Variants in ST6GALNAC3 observed in about 807,000 individuals in gnomAD.
ST6GALNAC3 encodes ST6 N-acetylgalactosaminide alpha-2,6-sialyltransferase 3, also known as alpha-N-acetylgalactosaminide alpha-2,6-sialyltransferase 3.
A neutral mutation model predicts 32.7 loss-of-function variants in ST6GALNAC3; 25 were observed. The observed-to-expected ratio is 0.76, with a 90% CI of 0.56 to 1.07. ST6GALNAC3 has a LOEUF of 1.07. Ranked by LOEUF, ST6GALNAC3 falls within the 50% of genes least tolerant of loss-of-function variation. ST6GALNAC3 has a pLI of 0.00. For missense variants in ST6GALNAC3, 355 were observed against 382.4 expected (o/e 0.93, Z 0.60); for synonymous variants, 129 against 133.1 (o/e 0.97, Z 0.21).
intron 2 of ST6GALNAC3, among the ~76,000 whole-genome samples, chr1:76,321,922 T>C (rs1370592582): frequency 6.6e-6 from 1 of 152,204 alleles, no homozygotes; most frequent in East Asian, 1.9e-4. Context: ...AGATTGATTT[T>C]CACTTTACAA....
chr1:76,127,329 G>C (rs1649317749), intron 1 of ST6GALNAC3, among the ~76,000 whole-genome samples: 2 of 152,178 alleles, frequency 1.3e-5, no homozygotes, highest in African/African-American at 4.8e-5. Flanking sequence ...GAGTAATACT[G>C]TGTCTACTTT....
At chr1:76,478,143 G>A (rs569194477) in intron 3 of ST6GALNAC3, among the ~76,000 whole-genome samples, 3 of 152,098 alleles carry the variant, frequency 2.0e-5, no homozygotes, top group Non-Finnish European at 4.4e-5. Flanking sequence ...GCACAGTCCT[G>A]TGTGTTGCAT....
chr1:76,083,213 G>C (rs1039836139), intron 1 of ST6GALNAC3, among the ~76,000 whole-genome samples: 1 of 152,190 alleles, frequency 6.6e-6, no homozygotes, highest in African/African-American at 2.4e-5. Context: ...TTAAAACCTG[G>C]TTGCAATACT....
intron 1 of ST6GALNAC3, among the ~76,000 whole-genome samples, chr1:76,295,313 A>C (rs1240685153): frequency 1.3e-5 from 2 of 151,496 alleles, no homozygotes; most frequent in Non-Finnish European, 2.9e-5. Flanking sequence ...GTAGTTGAAA[A>C]CTCTCAGAAT....
At chr1:76,587,464 C>T (rs1381478354) in intron 3 of ST6GALNAC3, among the ~76,000 whole-genome samples, 3 of 152,172 alleles carry the variant, frequency 2.0e-5, no homozygotes, top group South Asian at 2.1e-4. Context: ...GCTGAGAGTC[C>T]GGCGAACATG....
chr1:76,615,083 C>T (rs2100682939), intron 3 of ST6GALNAC3, among the ~76,000 whole-genome samples: 1 of 152,056 alleles, frequency 6.6e-6, no homozygotes, highest in Middle Eastern at 3.4e-3. Flanking sequence ...ATGCAGGGGG[C>T]TAGAATATTC....
rs139075558 is a variant in ST6GALNAC3 at position 76,338,058 on chromosome 1, G to A, written c.213+24059G>A. 7.9e-4 allele frequency among the ~76,000 whole-genome samples: 121 copies of A among 152,256 alleles called. 1 individual carries two copies. The highest frequency in any genetic ancestry group is 2.7e-3 in the African/African-American group (114 of 41,560). On this transcript the variant is annotated intron_variant, in intron 2 of 4. Coordinates refer to ENST00000328299, the MANE Select transcript of ST6GALNAC3 (RefSeq NM_152996.4). ...GTTAGAAAGCCAACAGCTGCCCTGC[G>A]TGGGGGAACTGCACAGTATGCTAAT...
intron 3 of ST6GALNAC3, among the ~76,000 whole-genome samples, chr1:76,609,799 C>T (rs775615818): frequency 5.9e-5 from 9 of 151,962 alleles, no homozygotes; most frequent in Non-Finnish European, 1.3e-4. Context: ...CTTCATATAG[C>T]ATTAATTAGC....
intron 1 of ST6GALNAC3, among the ~76,000 whole-genome samples, chr1:76,112,503 T>C (rs567623991): frequency 8.1e-4 from 121 of 149,444 alleles, no homozygotes; most frequent in African/African-American, 2.7e-3. Flanking sequence ...ATGGGGCGGC[T>C]GGCCGGGCGG....
At position 76,074,747 on chromosome 1, in the gene ST6GALNAC3, G is replaced by C; in HGVS notation, c.-120G>C. ...GCTTACACCGCGGTCCCCTTATTTG[G>C]ATCTGCGGGAATGTGGGCTGGAGAG... On this transcript the variant is annotated 5_prime_UTR_variant, in exon 1 of 5. Coordinates refer to ENST00000328299, the MANE Select transcript of ST6GALNAC3 (RefSeq NM_152996.4). 9.0e-7 allele frequency: 1 copy of C among 1,116,412 alleles called. No homozygotes were observed. Among genetic ancestry groups the C allele is most frequent in the Non-Finnish European group, 1.3e-6 (1 of 794,212 alleles). The allele number at this position is 1,116,412 out of a possible 1,614,324, so 69.2% of individuals were successfully genotyped here. A position where few individuals can be genotyped will look rare whatever the true frequency, so the allele number is the denominator to read the frequency against.
chr1:76,409,842 T>C (rs1255989307), intron 2 of ST6GALNAC3, among the ~76,000 whole-genome samples: 1 of 152,158 alleles, frequency 6.6e-6, no homozygotes, highest in Non-Finnish European at 1.5e-5. Flanking sequence ...TTGTCCATTC[T>C]TTTTAGTTTT....
chr1:76,134,606 G>A (rs972277128), intron 1 of ST6GALNAC3, among the ~76,000 whole-genome samples: 4 of 152,122 alleles, frequency 2.6e-5, no homozygotes, highest in Non-Finnish European at 5.9e-5. Context: ...TCTTCCCTGT[G>A]AGTCCCTTAG....
In ST6GALNAC3 at chr1:76,629,696, A is replaced by G; in HGVS notation, c.*890A>G. 1.0e-6 allele frequency: 1 copy of G among 985,402 alleles called. No individual in the cohort carries two copies. The highest frequency in any genetic ancestry group is 1.2e-6 in the Non-Finnish European group (1 of 829,576). The allele number at this position is 985,402 out of a possible 1,614,324, so 61.0% of individuals were successfully genotyped here. A position where few individuals can be genotyped will look rare whatever the true frequency, so the allele number is the denominator to read the frequency against. On this transcript the variant is annotated 3_prime_UTR_variant, in exon 5 of 5. Transcript: ENST00000328299. ...AAGGGTTTGCTAACTCTGCTTCAACATCCAACAACACAAAACTATATGATT... is the reference window on the plus strand; with the variant it reads ...AAGGGTTTGCTAACTCTGCTTCAACGTCCAACAACACAAAACTATATGATT...
At chr1:76,502,520 A>G (rs1189530779) in intron 3 of ST6GALNAC3, among the ~76,000 whole-genome samples, 1 of 152,092 alleles carries the variant, frequency 6.6e-6, no homozygotes. Flanking sequence ...TGGCTTGTTA[A>G]TGAGTCTTTT....
intron 1 of ST6GALNAC3, among the ~76,000 whole-genome samples, chr1:76,188,313 G>A (rs1055817925): frequency 1.3e-5 from 2 of 152,202 alleles, no homozygotes; most frequent in Admixed American, 6.5e-5. Flanking sequence ...AGTGAGCTGA[G>A]ATCACACCAC....
At chr1:76,614,919 AG>A (rs1000433509) in intron 3 of ST6GALNAC3, among the ~76,000 whole-genome samples, 1 of 151,746 alleles carries the variant, frequency 6.6e-6, no homozygotes, top group Non-Finnish European at 1.5e-5. Flanking sequence ...CTAGGGTTCC[AG>A]GGGGTGCAGG....
At chr1:76,627,867 C>G (rs1202616245) in intron 4 of ST6GALNAC3, among the ~76,000 whole-genome samples, 3 of 151,918 alleles carry the variant, frequency 2.0e-5, no homozygotes, top group Non-Finnish European at 1.5e-5. Context: ...TTTGCAAAAG[C>G]AAGTTTGTCA....
chr1:76,266,798 T>A (rs1346496058), intron 1 of ST6GALNAC3, among the ~76,000 whole-genome samples: 1 of 152,164 alleles, frequency 6.6e-6, no homozygotes, highest in Non-Finnish European at 1.5e-5. Context: ...ATGTTGGGAA[T>A]TACCTGAACT....
At chr1:76,377,007 C>G (rs112356367) in intron 2 of ST6GALNAC3, among the ~76,000 whole-genome samples, 14 of 152,114 alleles carry the variant, frequency 9.2e-5, no homozygotes, top group African/African-American at 3.1e-4. Context: ...GCTACTTTGT[C>G]TTACCTACAA....
Sources: allele counts gnomAD v4.1 joint callset (sites outside exome capture counted in the v4.1 genomes callset), GRCh38; gene constraint gnomAD v4.1.1; transcripts MANE v1.5; gene names NCBI Gene and HGNC (gene_info 2026-07-23, HGNC 2026-07-21).